Variants in SUPT3H observed in about 807,000 individuals in gnomAD.
SUPT3H encodes transcription initiation protein SPT3 homolog.
In SUPT3H, 44 loss-of-function variants were observed where a neutral mutation model predicts 44.3. The observed-to-expected ratio is 0.99, with a 90% confidence interval of 0.78 to 1.28. The LOEUF (loss-of-function observed/expected upper bound fraction) is 1.28. Among genes scored for constraint, SUPT3H ranks in the 50% most tolerant of loss-of-function variants. The probability of loss-of-function intolerance (pLI) is 0.00; values close to 1 mark genes in which losing one functional copy is unlikely to be tolerated. For missense variants in SUPT3H, 380 were observed against 387.1 expected, an observed-to-expected ratio of 0.98 and a Z score of 0.15; for synonymous variants, 124 against 125.6, an observed-to-expected ratio of 0.99 and a Z score of 0.09.
chr6:44,881,186 A>G (rs1483512798), intron 10 of SUPT3H, among the ~76,000 whole-genome samples: 2 of 152,186 alleles, frequency 1.3e-5, no homozygotes, highest in Non-Finnish European at 2.9e-5. Context: ...AAATAAAGGG[A>G]TGGAGGAATA....
chr6:45,050,844 T>G (rs1790164103), intron 3 of SUPT3H, among the ~76,000 whole-genome samples: 1 of 151,302 alleles, frequency 6.6e-6, no homozygotes, highest in Admixed American at 6.6e-5. Flanking sequence ...GAGAGAAAAG[T>G]GCTGATGTCC....
intron 3 of SUPT3H, among the ~76,000 whole-genome samples, chr6:45,088,251 G>C (rs1392601778): frequency 2.6e-5 from 4 of 152,052 alleles, no homozygotes; most frequent in Admixed American, 6.6e-5. Flanking sequence ...ATAAAAAGTA[G>C]AGGTAGGAGA....
intron 2 of SUPT3H, among the ~76,000 whole-genome samples, chr6:45,113,691 A>G (rs1284980): frequency 0.65 from 97,999 of 151,826 alleles, 32,446 homozygotes; most frequent in African/African-American, 0.8. Context: ...TAGGCATGGC[A>G]TGGTGGCGCA....
Position 45,065,558 on chromosome 6 carries a change from A to G in SUPT3H, c.186+40364T>C, listed in dbSNP as rs1310930407. Among the ~76,000 whole-genome samples, 205 of 151,878 alleles carry G rather than the reference A, an allele frequency of 1.3e-3. 1 individual carries two copies. Among genetic ancestry groups the G allele is most frequent in the Non-Finnish European group, 2.3e-3 (156 of 67,916 alleles). On this transcript the variant is annotated intron_variant, in intron 3 of 10. Transcript: ENST00000371459. ...AAAGGATCAACAAAATTGATAGACC[A>G]CTAGCAAGACTAATAAAGAAAAAAA...
At chr6:45,191,594 C>T (rs1314084422) in intron 2 of SUPT3H, among the ~76,000 whole-genome samples, 1 of 152,000 alleles carries the variant, frequency 6.6e-6, no homozygotes, top group African/African-American at 2.4e-5. Context: ...ATTGGCTCAA[C>T]AAATATAATT....
intron 5 of SUPT3H, among the ~76,000 whole-genome samples, chr6:45,007,485 T>G (rs1044705934): frequency 1.3e-5 from 2 of 152,172 alleles, no homozygotes; most frequent in Non-Finnish European, 2.9e-5. Context: ...TTGAGATAAC[T>G]ATTGCATTTT....
intron 10 of SUPT3H, among the ~76,000 whole-genome samples, chr6:44,929,769 C>T (rs953054357): frequency 1.1e-3 from 162 of 143,918 alleles, no homozygotes; most frequent in African/African-American, 3.9e-3. Flanking sequence ...CATGAGCTCC[C>T]TTTTTTTTTT....
chr6:44,976,171 AT>A lies in SUPT3H; in HGVS notation c.505-14344del, dbSNP rs542018799. On this transcript the variant is annotated intron_variant, in intron 6 of 10. Coordinates refer to ENST00000371459, the MANE Select transcript of SUPT3H (RefSeq NM_003599.4). Reference sequence around the variant, plus strand: ...GTTAACATAAAACAAAAGGAAGAAAATTTTTTTCCTGAGAATGCCAAGATTT... The same window carrying A: ...GTTAACATAAAACAAAAGGAAGAAAATTTTTTCCTGAGAATGCCAAGATTT... 5.9e-3 allele frequency among the ~76,000 whole-genome samples: 905 copies of A among 152,148 alleles called. 16 individuals are homozygous for A. Among genetic ancestry groups the A allele is most frequent in the African/African-American group, 0.021 (855 of 41,480 alleles).
intron 10 of SUPT3H, among the ~76,000 whole-genome samples, chr6:44,886,717 C>A (rs1195164617): frequency 6.6e-6 from 1 of 152,074 alleles, no homozygotes; most frequent in Non-Finnish European, 1.5e-5. Context: ...AACTAACGAG[C>A]AAAATCACCA....
At chr6:44,868,230 T>A (rs1374019256) in intron 10 of SUPT3H, among the ~76,000 whole-genome samples, 2 of 152,224 alleles carry the variant, frequency 1.3e-5, no homozygotes, top group Non-Finnish European at 2.9e-5. Context: ...CAGGAGCTGG[T>A]TTCCCTTCCT....
At chr6:45,200,844 C>T (rs1762362213) in intron 2 of SUPT3H, among the ~76,000 whole-genome samples, 1 of 151,358 alleles carries the variant, frequency 6.6e-6, no homozygotes, top group South Asian at 2.1e-4. Context: ...TTTGAGGATG[C>T]TACCATAAAC....
Position 44,889,592 on chromosome 6 carries a change from G to A in SUPT3H, c.912+43061C>T, listed in dbSNP as rs533542062. On this transcript the variant is annotated intron_variant, in intron 10 of 10. Transcript: ENST00000371459. ...AGCTGAAACTGGATGCCTTCCTTAC[G>A]CCTTATACAAAAATTAATTCAAGAT... Among the ~76,000 whole-genome samples, 114 of 152,168 alleles carry A rather than the reference G, an allele frequency of 7.5e-4. No individual in the cohort carries two copies. In the Middle Eastern group the frequency reaches 0.01, roughly 14 times the overall value.
intron 2 of SUPT3H, among the ~76,000 whole-genome samples, chr6:45,264,462 C>A (rs1774927139): frequency 6.6e-6 from 1 of 152,072 alleles, no homozygotes; most frequent in Non-Finnish European, 1.5e-5. Context: ...GAGTTCAAGA[C>A]CAGCCTGGCC....
rs965187507 is a variant in SUPT3H at position 45,259,413 on chromosome 6, C to T, written c.101+105788G>A. ...TTATTTTTAAAATCAAACGTATGTG[C>T]TTTTTCTGTTTATGTCTTTGGAAAG... On this transcript the variant is annotated intron_variant, in intron 2 of 10. Coordinates refer to ENST00000371459, the MANE Select transcript of SUPT3H (RefSeq NM_003599.4). Among the ~76,000 whole-genome samples, 13 of 152,154 alleles carry T rather than the reference C, an allele frequency of 8.5e-5. No individual in the cohort carries two copies. The East Asian group carries it at 1.5e-3, about 18-fold the overall frequency.
intron 2 of SUPT3H, among the ~76,000 whole-genome samples, chr6:45,252,650 A>G (rs1408133113): frequency 6.6e-6 from 1 of 152,156 alleles, no homozygotes; most frequent in Non-Finnish European, 1.5e-5. Flanking sequence ...TGAAAAAAAA[A>G]AAGGATGCTG....
chr6:45,213,019 T>C (rs1212476066), intron 2 of SUPT3H, among the ~76,000 whole-genome samples: 2 of 152,114 alleles, frequency 1.3e-5, no homozygotes, highest in African/African-American at 2.4e-5. Context: ...CGCAAAAATA[T>C]ACTGGTTTAG....
chr6:45,236,634 G>C (rs1769209237), intron 2 of SUPT3H, among the ~76,000 whole-genome samples: 1 of 151,960 alleles, frequency 6.6e-6, no homozygotes, highest in South Asian at 2.1e-4. Flanking sequence ...CCCAGTGACT[G>C]TTCAAGCAGT....
intron 2 of SUPT3H, among the ~76,000 whole-genome samples, chr6:45,283,257 G>A (rs957045286): frequency 6.6e-6 from 1 of 152,018 alleles, no homozygotes; most frequent in Non-Finnish European, 1.5e-5. Flanking sequence ...AATGTAAATG[G>A]GCTAAAGGCT....
At chr6:45,328,607 C>T in intron 2 of SUPT3H, 1 of 1,606,086 alleles carries the variant, frequency 6.2e-7, no homozygotes, top group Non-Finnish European at 8.5e-7. Context: ...AGTCTATGTA[C>T]TCCAGGCATA....
Sources: allele counts gnomAD v4.1 joint callset (sites outside exome capture counted in the v4.1 genomes callset), GRCh38; gene constraint gnomAD v4.1.1; transcripts MANE v1.5; gene names NCBI Gene and HGNC (gene_info 2026-07-23, HGNC 2026-07-21).